Variants in CNTN4 observed in about 807,000 individuals in gnomAD.
CNTN4 encodes contactin 4.
In CNTN4, 77 loss-of-function variants were observed where a neutral mutation model predicts 122.5. The observed-to-expected ratio is 0.63, with a 90% CI of 0.52 to 0.76. The LOEUF is 0.76. Ranked by LOEUF, CNTN4 falls within the 30% of genes least tolerant of loss-of-function variation. The probability of loss-of-function intolerance (pLI) is 0.00; values close to 1 mark genes in which losing one functional copy is unlikely to be tolerated. For synonymous variants in CNTN4, 512 were observed against 447.0 expected, an observed-to-expected ratio of 1.15 and a Z score of -1.83; for missense variants, 1,256 against 1,259.1, an observed-to-expected ratio of 1.00 and a Z score of 0.04.
chr3:2,204,342 A>G (rs923101080), intron 2 of CNTN4, among the ~76,000 whole-genome samples: 5 of 152,220 alleles, frequency 3.3e-5, no homozygotes, highest in African/African-American at 9.6e-5. Flanking sequence ...TGAAGTTATT[A>G]TACACATTTA....
rs140652217 is a variant in CNTN4 at position 2,785,138 on chromosome 3, C to CACACAT, written c.359-34347_359-34346insCACATA. On this transcript the variant is annotated intron_variant, in intron 6 of 24. Coordinates refer to ENST00000418658, the MANE Select transcript of CNTN4 (RefSeq NM_175607.3). ...GTACACACACACACACACACACACA[C>CACACAT]ATATATATAGAGAGAGAGAGAGAGA... Among the ~76,000 whole-genome samples the CACACAT allele has an allele frequency of 8.0e-3, 1,086 of 136,242 alleles. 18 individuals are homozygous for CACACAT. The highest frequency in any genetic ancestry group is 0.028 in the African/African-American group (1,029 of 37,168). The allele number at this position is 136,242 out of a possible 152,430, so 89.4% of individuals were successfully genotyped here.
At chr3:2,498,965 TTTTTA>T (rs2076524483) in intron 3 of CNTN4, among the ~76,000 whole-genome samples, 1 of 152,074 alleles carries the variant, frequency 6.6e-6, no homozygotes, top group African/African-American at 2.4e-5. Flanking sequence ...AATTTTTGTA[TTTTTA>T]GTAGAGATAG....
At chr3:2,645,097 C>T (rs923682612) in intron 4 of CNTN4, among the ~76,000 whole-genome samples, 9 of 151,976 alleles carry the variant, frequency 5.9e-5, no homozygotes, top group Non-Finnish European at 1.3e-4. Context: ...GCACACCTTA[C>T]CTATCTCTTT....
chr3:2,900,538 T>G, intron 10 of CNTN4, 147 bp from the exon 11 acceptor site: 1 of 882,394 alleles, frequency 1.1e-6, no homozygotes, highest in South Asian at 1.5e-5. Context: ...GGCACCTCCC[T>G]GAATGTCTCC....
chr3:2,972,862 T>TTAC (rs1693064548), intron 13 of CNTN4, among the ~76,000 whole-genome samples: 1 of 151,060 alleles, frequency 6.6e-6, no homozygotes, highest in South Asian at 2.1e-4. Context: ...CACATCTAAA[T>TTAC]TACTATCTTC....
At chr3:3,023,816 C>A (rs1424318979) in intron 14 of CNTN4, among the ~76,000 whole-genome samples, 2 of 152,212 alleles carry the variant, frequency 1.3e-5, no homozygotes, top group Admixed American at 1.3e-4. Context: ...CTTCAGTTGA[C>A]TACACATAGG....
At chr3:3,045,631 G>A (rs1347700568) in intron 23 of CNTN4, among the ~76,000 whole-genome samples, 4 of 152,152 alleles carry the variant, frequency 2.6e-5, no homozygotes, top group Non-Finnish European at 4.4e-5. Flanking sequence ...CCATCTGTAC[G>A]TCACCATCAT....
At chr3:2,383,199 A>G (rs566411391) in intron 3 of CNTN4, among the ~76,000 whole-genome samples, 18 of 152,342 alleles carry the variant, frequency 1.2e-4, no homozygotes, top group African/African-American at 4.1e-4. Flanking sequence ...TTATATGAGC[A>G]TATAACTTAA....
At chr3:2,470,324 G>A (rs1007446972) in intron 3 of CNTN4, among the ~76,000 whole-genome samples, 4 of 152,036 alleles carry the variant, frequency 2.6e-5, no homozygotes, top group Non-Finnish European at 5.9e-5. Flanking sequence ...ATTCACCCAT[G>A]TTGGCCTCCC....
intron 4 of CNTN4, among the ~76,000 whole-genome samples, chr3:2,665,341 G>A (rs984824063): frequency 1.3e-5 from 2 of 152,198 alleles, no homozygotes; most frequent in African/African-American, 2.4e-5. Flanking sequence ...TTAGGAAACA[G>A]TGCTTTTTCT....
intron 14 of CNTN4, among the ~76,000 whole-genome samples, chr3:3,009,663 G>A (rs966030971): frequency 6.6e-6 from 1 of 152,078 alleles, no homozygotes; most frequent in Non-Finnish European, 1.5e-5. Flanking sequence ...TCGATCTCCT[G>A]ACCTCGTGAT....
chr3:2,136,626 G>A lies in CNTN4; in HGVS notation c.-145+35987G>A, dbSNP rs139480653. ...AAAGATGTTGTATTTGAGAAGCGAC[G>A]TGGTAATTGGTTTTGAGAGTATACA... On this transcript the variant is annotated intron_variant, in intron 2 of 24. Transcript: ENST00000418658. Among the ~76,000 whole-genome samples, 838 of 151,974 alleles carry A rather than the reference G, an allele frequency of 5.5e-3. 7 individuals are homozygous for A. Among genetic ancestry groups the A allele is most frequent in the African/African-American group, 0.015 (632 of 41,470 alleles).
chr3:2,833,686 A>G (rs1027024146), intron 7 of CNTN4, among the ~76,000 whole-genome samples: 1 of 152,238 alleles, frequency 6.6e-6, no homozygotes. Context: ...TGTTTTATAC[A>G]TGGTGTTACA....
At chr3:2,833,574 A>G (rs985787166) in intron 7 of CNTN4, among the ~76,000 whole-genome samples, 3 of 152,182 alleles carry the variant, frequency 2.0e-5, no homozygotes, top group Non-Finnish European at 4.4e-5. Context: ...AACATATTGT[A>G]CTTTCTCATG....
At position 2,661,872 on chromosome 3, in the gene CNTN4, A is replaced by G. The variant is rs80331358; in HGVS notation, c.56-74343A>G. ...TGATGATGTTCATTATCATATAGAA[A>G]TTTTAAGAATACCCGTAATAAATGT... On this transcript the variant is annotated intron_variant, in intron 4 of 24. Transcript: ENST00000418658. Among the ~76,000 whole-genome samples the G allele has an allele frequency of 5.2e-3, 791 of 151,598 alleles. 3 individuals are homozygous for G. The highest frequency in any genetic ancestry group is 8.7e-3 in the Non-Finnish European group (593 of 67,920).
chr3:2,447,920 G>A (rs922008962), intron 3 of CNTN4, among the ~76,000 whole-genome samples: 4 of 152,100 alleles, frequency 2.6e-5, no homozygotes, highest in African/African-American at 4.8e-5. Context: ...TTTGGCATTG[G>A]TAAGTGGTTT....
chr3:2,352,293 G>A (rs1051009504), intron 3 of CNTN4, among the ~76,000 whole-genome samples: 5 of 152,266 alleles, frequency 3.3e-5, no homozygotes, highest in South Asian at 4.1e-4. Flanking sequence ...CACTCTGGCC[G>A]CACTTGAGGA....
intron 18 of CNTN4, among the ~76,000 whole-genome samples, chr3:3,038,173 G>A (rs550626642): frequency 3.3e-5 from 5 of 152,210 alleles, no homozygotes; most frequent in South Asian, 2.1e-4. Flanking sequence ...AATGTGGCCC[G>A]GAGCCTTTCA....
chr3:2,124,575 A>G (rs1366384081), intron 2 of CNTN4, among the ~76,000 whole-genome samples: 2 of 151,944 alleles, frequency 1.3e-5, no homozygotes, highest in African/African-American at 4.8e-5. Flanking sequence ...CAGCTGGAGC[A>G]ACAAAGTGAG....
Sources: allele counts gnomAD v4.1 joint callset (sites outside exome capture counted in the v4.1 genomes callset), GRCh38; gene constraint gnomAD v4.1.1; transcripts MANE v1.5; gene names NCBI Gene and HGNC (gene_info 2026-07-23, HGNC 2026-07-21).